Variants in SEPTIN5 observed in about 807,000 individuals in gnomAD.
The protein encoded by SEPTIN5 is septin 5, also known as septin-5.
Under a neutral mutation model 51.2 loss-of-function variants are expected in SEPTIN5, and 16 were observed. That is an observed-to-expected ratio of 0.31 (90% CI 0.21 to 0.47). SEPTIN5 has a LOEUF of 0.47. Ranked by LOEUF, SEPTIN5 falls within the 20% of genes least tolerant of loss-of-function variation. The probability of loss-of-function intolerance (pLI) is 0.99; values close to 1 mark genes in which losing one functional copy is unlikely to be tolerated. For synonymous variants in SEPTIN5, 208 were observed against 191.2 expected, an observed-to-expected ratio of 1.09 and a Z score of -0.72; for missense variants, 376 against 500.3, an observed-to-expected ratio of 0.75 and a Z score of 2.37.
chr22:19,714,880 C>G lies in SEPTIN5; in HGVS notation c.54+89C>G. The G allele has an allele frequency of 6.9e-7, 1 of 1,455,826 alleles. No homozygotes were observed. The highest frequency in any genetic ancestry group is 9.2e-7 in the Non-Finnish European group (1 of 1,081,966). 90.2% of individuals were successfully genotyped at this position (1,455,826 alleles called of 1,614,324 possible). On this transcript the variant is annotated intron_variant, in intron 2 of 11. Transcript: ENST00000455784. This position sits in a 1 kb window ranked among gnomAD's most constrained non-coding sequence, Gnocchi z 5.2. ...GCGCCTTGGGCGCCCAGGCGCGACC[C>G]CGCCCCCGCCGGCCCTCACCCAGCC...
In SEPTIN5 at chr22:19,722,486, G is replaced by T. The variant is rs780784693; in HGVS notation, c.*2G>T. 1.3e-6 allele frequency: 2 copies of T among 1,591,934 alleles called. No individual in the cohort carries two copies. Among genetic ancestry groups the T allele is most frequent in the Non-Finnish European group, 1.7e-6 (2 of 1,169,476 alleles). On this transcript the variant is annotated 3_prime_UTR_variant, in exon 12 of 12. Transcript: ENST00000455784. ...AAGCAGCAGATGCAGGACCAGTGACGCTCGCCGCGGACACACCGTCCGTCT... is the reference window on the plus strand; with the variant it reads ...AAGCAGCAGATGCAGGACCAGTGACTCTCGCCGCGGACACACCGTCCGTCT...
intron 8 of SEPTIN5, 40 bp downstream of exon 8, chr22:19,720,909 G>A (rs1207862251): frequency 6.4e-7 from 1 of 1,551,966 alleles, no homozygotes; most frequent in South Asian, 1.1e-5. Context: ...GATGGAGCTG[G>A]TGAGGGGCAG....
intron 2 of SEPTIN5, chr22:19,719,066 G>A: frequency 5.3e-6 from 2 of 374,750 alleles, no homozygotes; most frequent in East Asian, 4.1e-5. Context: ...AAGGGTCTGC[G>A]GGGGCTGGGC....
At chr22:19,716,781 ACCT>A (rs1601237769) in intron 2 of SEPTIN5, among the ~76,000 whole-genome samples, 1 of 151,854 alleles carries the variant, frequency 6.6e-6, no homozygotes, top group Non-Finnish European at 1.5e-5. Flanking sequence ...TCTGTTAGAC[ACCT>A]CCTAGCCTGA....
intron 2 of SEPTIN5, chr22:19,718,954 T>G: frequency 2.2e-6 from 2 of 924,718 alleles, no homozygotes; most frequent in Non-Finnish European, 2.8e-6. Context: ...GCCTCGCAGG[T>G]CCGCGGCCCC....
intron 2 of SEPTIN5, chr22:19,718,734 C>T (rs1935959589): frequency 8.0e-7 from 1 of 1,242,924 alleles, no homozygotes; most frequent in Non-Finnish European, 1.0e-6. Flanking sequence ...GGGGGGTCGC[C>T]GCGATGGACT....
chr22:19,720,039 G>A (rs1935994278), intron 4 of SEPTIN5, 76 bp from the exon 5 acceptor site: 2 of 1,607,966 alleles, frequency 1.2e-6, no homozygotes, highest in Non-Finnish European at 1.7e-6. Context: ...CAAGATGGAT[G>A]AGGACGAGGG....
chr22:19,717,467 G>A, intron 2 of SEPTIN5: 1 of 407,684 alleles, frequency 2.5e-6, no homozygotes. Flanking sequence ...CAGAGGGCAA[G>A]GGAATGTCCA....
In SEPTIN5 at chr22:19,722,584, A is replaced by C; in HGVS notation, c.*100A>C. 1 of 1,259,492 alleles carries C rather than the reference A, an allele frequency of 7.9e-7. No homozygotes were observed. Among genetic ancestry groups the C allele is most frequent in the Non-Finnish European group, 1.1e-6 (1 of 892,808 alleles). 78.0% of individuals were successfully genotyped at this position (1,259,492 alleles called of 1,614,324 possible). A position where few individuals can be genotyped will look rare whatever the true frequency, so the allele number is the denominator to read the frequency against. ...CCGGAGACGCGGGGCCACAGCCCCC[A>C]GCTGACCCTAATTTATTCTCAGCAC... On this transcript the variant is annotated 3_prime_UTR_variant, in exon 12 of 12. Transcript: ENST00000455784.
intron 3 of SEPTIN5, 43 bp downstream of exon 3, chr22:19,719,741 G>A: frequency 6.2e-7 from 1 of 1,610,082 alleles, no homozygotes; most frequent in Non-Finnish European, 8.5e-7. Context: ...GGGGTCACTG[G>A]CCAGCCAAGC....
chr22:19,714,784 AC>A lies in SEPTIN5; in HGVS notation c.48del (p.Asp16GlufsTer24). 1.3e-6 allele frequency: 2 copies of A among 1,569,238 alleles called. No homozygotes were observed. Among genetic ancestry groups the A allele is most frequent in the Non-Finnish European group, 1.7e-6 (2 of 1,164,410 alleles). On this transcript the variant is annotated frameshift_variant, in exon 2 of 12. Transcript: ENST00000455784. LOFTEE classifies it high-confidence loss of function. This position sits in a 1 kb window ranked among gnomAD's most constrained non-coding sequence, Gnocchi z 5.2. ...GACCCCGACCCCGACCCCGCAGAGG[AC>A]AAGCAGGTACGTGCGCAGCGCCGCT... ...RYKSKLATPE[D>X]KQDIDKQYVG...
At chr22:19,716,241 G>A (rs1935909626) in intron 2 of SEPTIN5, among the ~76,000 whole-genome samples, 1 of 152,266 alleles carries the variant, frequency 6.6e-6, no homozygotes, top group Non-Finnish European at 1.5e-5. Context: ...CAGGCCAGGT[G>A]TCTGGGTGAC....
intron 10 of SEPTIN5, 78 bp downstream of exon 10, chr22:19,722,035 A>G (rs749987267): frequency 2.0e-5 from 30 of 1,527,436 alleles, no homozygotes; most frequent in Non-Finnish European, 2.6e-5. Context: ...CGGTCCTGTC[A>G]GCCCACCCAG....
In SEPTIN5 at chr22:19,720,234, G is replaced by A. The variant is rs201694091; in HGVS notation, c.358G>A (p.Glu120Lys). The change falls in exon 5 of 12, where the codon GAG (glutamate) becomes AAG (lysine). Residue 120 changes from glutamate to lysine, a missense_variant. Coordinates refer to ENST00000455784, the MANE Select transcript of SEPTIN5 (RefSeq NM_002688.6). Reference protein sequence around the residue: ...PGFGDAVNNTECWKPITDYVD... With the variant: ...PGFGDAVNNTKCWKPITDYVD... ...ATTCGGGGACGCTGTCAACAACACC[G>A]AGTGGTGAGTGAGGCCTGCTGAGAA... 170 of 1,613,516 alleles carry A rather than the reference G, an allele frequency of 1.1e-4. 1 individual carries two copies. Among genetic ancestry groups the A allele is most frequent in the East Asian group, 1.3e-4 (6 of 44,884 alleles).
chr22:19,719,777 C>A, intron 3 of SEPTIN5, 29 bp from the exon 4 acceptor site: 2 of 1,612,384 alleles, frequency 1.2e-6, no homozygotes, highest in Non-Finnish European at 1.7e-6. Context: ...CCAGACCTAA[C>A]GCAGCTCCTT....
chr22:19,722,728 G>A lies in SEPTIN5; in HGVS notation c.*244G>A. On this transcript the variant is annotated 3_prime_UTR_variant, in exon 12 of 12. Transcript: ENST00000455784. The stretch of plus-strand genomic sequence containing the variant: ...AAGTTGGGCGGGACTTCAGAGATCC[G>A]CCTCCCTTGCCCTTCCCCCGCCCCC... 1 of 565,414 alleles carries A rather than the reference G, an allele frequency of 1.8e-6. No individual in the cohort carries two copies. Among genetic ancestry groups the A allele is most frequent in the South Asian group, 2.1e-5 (1 of 48,604 alleles). 35.0% of individuals were successfully genotyped at this position (565,414 alleles called of 1,614,324 possible).
chr22:19,714,719 G>GCCCGCCGGCCCGGA lies in SEPTIN5; in HGVS notation c.44-56_44-43dup. On this transcript the variant is annotated intron_variant, in intron 1 of 11. Coordinates refer to ENST00000455784, the MANE Select transcript of SEPTIN5 (RefSeq NM_002688.6). This position sits in a 1 kb window ranked among gnomAD's most constrained non-coding sequence, Gnocchi z 5.2. ...CACCGTGTCTCTCCGTCTCTCCCCC[G>GCCCGCCGGCCCGGA]CCCGCCGGCCCGGACCCGCTCGGAA... 1 of 1,333,646 alleles carries GCCCGCCGGCCCGGA rather than the reference G, an allele frequency of 7.5e-7. No homozygotes were observed. Among genetic ancestry groups the GCCCGCCGGCCCGGA allele is most frequent in the East Asian group, 2.8e-5 (1 of 35,440 alleles). The allele number at this position is 1,333,646 out of a possible 1,614,324, so 82.6% of individuals were successfully genotyped here.
Position 19,722,534 on chromosome 22 carries a change from G to A in SEPTIN5, c.*50G>A, listed in dbSNP as rs1018484411. ...TCTCCGGGACGCCCTCGCACCCCTGGACACCAGACCGGACTGTTCCCGACC... is the reference window on the plus strand; with the variant it reads ...TCTCCGGGACGCCCTCGCACCCCTGAACACCAGACCGGACTGTTCCCGACC... On this transcript the variant is annotated 3_prime_UTR_variant, in exon 12 of 12. Coordinates refer to ENST00000455784, the MANE Select transcript of SEPTIN5 (RefSeq NM_002688.6). 3 of 1,550,198 alleles carry A rather than the reference G, an allele frequency of 1.9e-6. No homozygotes were observed. Among genetic ancestry groups the A allele is most frequent in the Non-Finnish European group, 2.6e-6 (3 of 1,145,294 alleles).
rs1248647465 is a variant in SEPTIN5 at position 19,720,783 on chromosome 22, G to A, written c.631G>A (p.Asp211Asn). ...KLKERIREEI[D>N]KFGIHVYQFP... Reference sequence around the variant, plus strand: ...CCCACCACAGATCCGGGAGGAGATTGACAAGTTTGGGATCCATGTATACCA... The same window carrying A: ...CCCACCACAGATCCGGGAGGAGATTAACAAGTTTGGGATCCATGTATACCA... The change falls in exon 8 of 12, where the codon GAC becomes AAC. Residue 211 changes from aspartate (D) to asparagine (N), a missense_variant. Coordinates refer to ENST00000455784, the MANE Select transcript of SEPTIN5 (RefSeq NM_002688.6). 1 of 1,613,658 alleles carries A rather than the reference G, an allele frequency of 6.2e-7. No individual in the cohort carries two copies. The highest frequency in any genetic ancestry group is 2.2e-5 in the East Asian group (1 of 44,878).
Sources: allele counts gnomAD v4.1 joint callset (sites outside exome capture counted in the v4.1 genomes callset), GRCh38; gene constraint gnomAD v4.1.1; non-coding constraint Gnocchi (gnomAD v3.1); transcripts MANE v1.5; gene names NCBI Gene and HGNC (gene_info 2026-07-23, HGNC 2026-07-21).